Variants in EVC observed in about 807,000 individuals in gnomAD.
EVC encodes the protein evC complex member EVC.
EVC carries 116 observed loss-of-function variants against 118.9 expected under a neutral mutation model. The observed-to-expected ratio is 0.98, with a 90% CI of 0.84 to 1.14. EVC has a LOEUF of 1.14. Ranked by LOEUF, EVC falls within the 50% of genes most tolerant of loss-of-function variation. EVC has a pLI of 0.00. For missense variants in EVC, 1,401 were observed against 1,246.4 expected, an observed-to-expected ratio of 1.12 and a Z score of -1.87; for synonymous variants, 619 against 534.7, an observed-to-expected ratio of 1.16 and a Z score of -2.18.
intron 11 of EVC, among the ~76,000 whole-genome samples, chr4:5,764,511 G>A (rs1244583784): frequency 4.1e-5 from 6 of 147,968 alleles, no homozygotes; most frequent in African/African-American, 1.3e-4. Flanking sequence ...GGTAGAATTC[G>A]GCTGTGAATC....
chr4:5,784,249 G>C (rs1343934177), intron 12 of EVC, among the ~76,000 whole-genome samples: 1 of 152,144 alleles, frequency 6.6e-6, no homozygotes, highest in Non-Finnish European at 1.5e-5. Flanking sequence ...TTTGAGGTAG[G>C]GATGTTTGTG....
intron 13 of EVC, 91 bp from the exon 14 acceptor site, chr4:5,796,931 C>A (rs1311628990): frequency 6.3e-6 from 6 of 956,298 alleles, no homozygotes; most frequent in South Asian, 1.3e-5. Context: ...TTTGGAGGGG[C>A]CTCTTGTGGG....
chr4:5,797,644 A>G (rs1042801820), intron 14 of EVC, among the ~76,000 whole-genome samples: 2 of 152,166 alleles, frequency 1.3e-5, no homozygotes, highest in African/African-American at 4.8e-5. Context: ...GGCACTATCC[A>G]CTTACTGACC....
At chr4:5,818,522 T>C (rs2152418141), downstream of EVC, among the ~76,000 whole-genome samples, 1 of 152,284 alleles carries the variant, frequency 6.6e-6, no homozygotes, top group East Asian at 1.9e-4. Context: ...TTAGAGGTGA[T>C]TGGGTCATGA....
intron 1 of EVC, among the ~76,000 whole-genome samples, chr4:5,714,678 T>A (rs1269252878): frequency 6.6e-6 from 1 of 152,202 alleles, no homozygotes; most frequent in Non-Finnish European, 1.5e-5. Context: ...GTGTTTCCAT[T>A]ATTACAATTC....
At position 5,752,952 on chromosome 4, in the gene EVC, G is replaced by A; in HGVS notation, c.1215G>A (p.Glu405=). ...TGGCTGCCATCTCCCACGGCCTGGA[G>A]CTGCTGGCTGGTGAGGGGAAGCTGT... is the stretch of plus-strand genomic sequence containing the variant. ...CRLAAISHGL[E]LLAGEGKLSG... Residue 405 remains glutamate (E), a synonymous_variant, in exon 9 of 21, where the codon GAG becomes GAA. Transcript: ENST00000264956. 1 of 1,614,104 alleles carries A rather than the reference G, an allele frequency of 6.2e-7. No homozygotes were observed. Among genetic ancestry groups the A allele is most frequent in the African/African-American group, 1.3e-5 (1 of 75,068 alleles).
Position 5,753,931 on chromosome 4 carries a change from G to C in EVC, c.1462G>C (p.Glu488Gln). 1 of 1,612,896 alleles carries C rather than the reference G, an allele frequency of 6.2e-7. No homozygotes were observed. Among genetic ancestry groups the C allele is most frequent in the African/African-American group, 1.3e-5 (1 of 74,990 alleles). ...QPTADPEKFLEAFHEVLERQR... is the reference protein window; with the variant it reads ...QPTADPEKFLQAFHEVLERQR... ...GACTGCTGACCCGGAAAAGTTTCTC[G>C]AGGTGACTCACATCCCCAGCCTCTG... Residue 488 changes from glutamate (E) to glutamine (Q), a missense_variant and splice_region_variant, in exon 10 of 21, where the codon GAG becomes CAG. Physicochemically the swap from Glu to Gln is conservative, Grantham distance 29. Coordinates refer to ENST00000264956, the MANE Select transcript of EVC (RefSeq NM_153717.3).
chr4:5,828,634 C>T, the EVC span: 14 of 1,614,232 alleles, frequency 8.7e-6, no homozygotes, highest in Non-Finnish European at 1.1e-5. Context: ...GGAGCCGTGG[C>T]ACTCCATACC....
intron 13 of EVC, among the ~76,000 whole-genome samples, chr4:5,796,821 T>C (rs964700074): frequency 4.0e-5 from 6 of 150,844 alleles, no homozygotes; most frequent in Non-Finnish European, 5.9e-5. Context: ...TGTGATGAGG[T>C]TAAAAAGATT....
intron 12 of EVC, among the ~76,000 whole-genome samples, chr4:5,790,501 C>T (rs1281825630): frequency 6.6e-6 from 1 of 152,192 alleles, no homozygotes; most frequent in Non-Finnish European, 1.5e-5. Flanking sequence ...AAGGGACTGA[C>T]TCTCACCTTA....
rs2152273591 is a variant in EVC, at chr4:5,780,236, T to G, written c.1564-3316T>G. ...ATCAAAAAGCTTATCCACCATGATT[T>G]GAATGAAATTTAACTTATATCCATT... On this transcript the variant is annotated intron_variant, in intron 11 of 20. Transcript: ENST00000264956. Among the ~76,000 whole-genome samples, 3 of 152,340 alleles carry G rather than the reference T, an allele frequency of 2.0e-5. 1 individual carries two copies. In the South Asian group the frequency reaches 6.2e-4, roughly 32 times the overall value.
chr4:5,744,515 A>G (rs903522804), intron 6 of EVC, among the ~76,000 whole-genome samples: 1 of 152,192 alleles, frequency 6.6e-6, no homozygotes, highest in East Asian at 1.9e-4. Flanking sequence ...TGAGAGAGTC[A>G]GGAGGACAGA....
rs571809727 is a variant in EVC at position 5,798,590 on chromosome 4, C to T, written c.2102C>T (p.Ala701Val). Reference protein sequence around the residue: ...HQWQLLRALEARVLEEASRLE... With the variant: ...HQWQLLRALEVRVLEEASRLE... ...TCCCAGTCCTTTCCCTCCCAGGAGG[C>T]GCGTGTGCTGGAGGAGGCCAGCCGG... Residue 701 changes from alanine (A) to valine (V), a missense_variant, in exon 15 of 21, where the codon GCG becomes GTG. Physicochemically the swap from Ala to Val is moderately conservative, Grantham distance 64. Transcript: ENST00000264956. The surrounding 1 kb of genome is among the most constrained non-coding windows in gnomAD (Gnocchi z 4.1). 6.8e-5 allele frequency: 107 copies of T among 1,562,628 alleles called. No homozygotes were observed. Among genetic ancestry groups the T allele is most frequent in the Middle Eastern group, 2.1e-4 (1 of 4,732 alleles).
chr4:5,822,130 T>TCAAA, the EVC span, among the ~76,000 whole-genome samples: 1 of 152,280 alleles, frequency 6.6e-6, no homozygotes, highest in Non-Finnish European at 1.5e-5. Context: ...AGACAGGTGA[T>TCAAA]CAAACACTTA....
intron 2 of EVC, among the ~76,000 whole-genome samples, chr4:5,727,928 C>G (rs979386656): frequency 2.0e-5 from 3 of 146,678 alleles, no homozygotes; most frequent in Non-Finnish European, 3.0e-5. Flanking sequence ...TTCCATTGAT[C>G]TATATCTCTG....
intron 3 of EVC, among the ~76,000 whole-genome samples, chr4:5,730,988 G>A (rs562631087): frequency 6.6e-6 from 1 of 152,086 alleles, no homozygotes; most frequent in East Asian, 1.9e-4. Context: ...GGGCAGGAGG[G>A]TGACTCCTGC....
chr4:5,804,947 G>A (rs1560439546), intron 17 of EVC, 106 bp downstream of exon 17: 1 of 999,640 alleles, frequency 1.0e-6, no homozygotes, highest in Non-Finnish European at 1.5e-6. Flanking sequence ...ATTGCCCGTG[G>A]ACTTGGGGGC....
At chr4:5,745,755 C>T (rs1349599111) in intron 7 of EVC, among the ~76,000 whole-genome samples, 3 of 152,196 alleles carry the variant, frequency 2.0e-5, no homozygotes, top group Admixed American at 6.5e-5. Context: ...GTTCCACCAC[C>T]CCCTGTTCAT....
intron 5 of EVC, 60 bp downstream of exon 5, chr4:5,733,495 C>G: frequency 7.0e-7 from 1 of 1,422,912 alleles, no homozygotes; most frequent in Middle Eastern, 1.8e-4. Flanking sequence ...GAGACAAGGA[C>G]TCTGTGTGCA....
Sources: gnomAD v4.1 joint callset for allele counts (sites outside exome capture counted in the v4.1 genomes callset) on GRCh38, gnomAD v4.1.1 for gene constraint, Gnocchi (gnomAD v3.1) non-coding constraint, MANE v1.5 for transcripts, NCBI Gene and HGNC (gene_info 2026-07-23, HGNC 2026-07-21) for gene names.